CALN1: variants seen among roughly 807,000 people sequenced by gnomAD.
The protein encoded by CALN1 is calneuron 1.
Under a neutral mutation model 30.6 loss-of-function variants are expected in CALN1, and 17 were observed. The observed-to-expected ratio is 0.56, with a 90% CI of 0.38 to 0.83. The LOEUF (loss-of-function observed/expected upper bound fraction) is 0.83. CALN1 is among the 40% of genes least tolerant of loss of function. The pLI is 0.00. For missense variants in CALN1, 291 were observed against 354.9 expected (o/e 0.82, Z 1.45); for synonymous variants, 156 against 131.4 (o/e 1.19, Z -1.28).
At chr7:72,117,987 C>T (rs1808113564) in intron 3 of CALN1, among the ~76,000 whole-genome samples, 1 of 150,660 alleles carries the variant, frequency 6.6e-6, no homozygotes, top group African/African-American at 2.4e-5. Flanking sequence ...AAAAAAGAAT[C>T]ACTGTTGACC....
chr7:71,984,428 A>G (rs1798558520), intron 5 of CALN1, among the ~76,000 whole-genome samples: 1 of 152,214 alleles, frequency 6.6e-6, no homozygotes, highest in Non-Finnish European at 1.5e-5. Context: ...ATCATCCTTC[A>G]AAGTCACAAT....
chr7:72,142,998 A>G (rs544630879), intron 3 of CALN1, among the ~76,000 whole-genome samples: 10 of 152,282 alleles, frequency 6.6e-5, no homozygotes, highest in African/African-American at 2.2e-4. Flanking sequence ...CAAAGACCAA[A>G]GGTAGATAAA....
chr7:71,985,368 G>T (rs1365796354), intron 5 of CALN1, among the ~76,000 whole-genome samples: 2 of 152,124 alleles, frequency 1.3e-5, no homozygotes, highest in Non-Finnish European at 2.9e-5. Context: ...AGCAGGCTGG[G>T]TGCAGTAGTT....
At chr7:72,299,667 A>T (rs1186220423) in intron 2 of CALN1, among the ~76,000 whole-genome samples, 1 of 149,698 alleles carries the variant, frequency 6.7e-6, no homozygotes, top group South Asian at 2.1e-4. Flanking sequence ...AAGAAATACA[A>T]TTTTTTAAAA....
intron 5 of CALN1, among the ~76,000 whole-genome samples, chr7:72,002,087 G>GA (rs1372189819): frequency 6.6e-6 from 1 of 152,266 alleles, no homozygotes; most frequent in East Asian, 1.9e-4. Flanking sequence ...GTGAAGGACT[G>GA]AAAAAATTGA....
chr7:72,388,895 T>C (rs1311428016), intron 2 of CALN1, among the ~76,000 whole-genome samples: 1 of 152,210 alleles, frequency 6.6e-6, no homozygotes, highest in South Asian at 2.1e-4. Context: ...TCAGGATTCC[T>C]GGTATCTGCC....
At position 72,278,819 on chromosome 7, in the gene CALN1, G is replaced by A. The variant is rs373062984; in HGVS notation, c.120-9C>T. The A allele has an allele frequency of 1.4e-4, 219 of 1,609,462 alleles. No homozygotes were observed. The highest frequency in any genetic ancestry group is 1.8e-4 in the Non-Finnish European group (210 of 1,176,294). ...GGAACGGCATCTTTTCCCTGCCCAA[G>A]AGAGAACAGGGGAGGGGAAAAGAAA... On this transcript the variant is annotated splice_polypyrimidine_tract_variant and intron_variant, in intron 2 of 6. Transcript: ENST00000395275.
At chr7:72,279,615 G>A (rs1039540255) in intron 2 of CALN1, among the ~76,000 whole-genome samples, 3 of 152,218 alleles carry the variant, frequency 2.0e-5, no homozygotes, top group Non-Finnish European at 4.4e-5. Context: ...CTGACTGGAG[G>A]CTCCAGGCTA....
intron 1 of CALN1, 44 bp downstream of exon 1, chr7:72,412,014 T>C (rs1009195848): frequency 2.0e-5 from 3 of 152,180 alleles, no homozygotes; most frequent in Non-Finnish European, 2.9e-5. Flanking sequence ...AGCTGGGAAC[T>C]GCATGCAGCT....
chr7:72,123,733 T>G (rs150462485), intron 3 of CALN1, among the ~76,000 whole-genome samples: 1 of 152,196 alleles, frequency 6.6e-6, no homozygotes, highest in African/African-American at 2.4e-5. Context: ...TTCCTGATAA[T>G]TGATAAAGAG....
At chr7:71,903,350 T>G (rs1009237312) in intron 5 of CALN1, among the ~76,000 whole-genome samples, 1 of 152,054 alleles carries the variant, frequency 6.6e-6, no homozygotes, top group African/African-American at 2.4e-5. Context: ...GGCATAAAAA[T>G]AGACACATAG....
At chr7:72,022,395 TTTTG>T (rs796199480) in intron 5 of CALN1, among the ~76,000 whole-genome samples, 65 of 152,282 alleles carry the variant, frequency 4.3e-4, no homozygotes, top group African/African-American at 1.6e-3. Context: ...AAATTATTAT[TTTTG>T]TTTGTTTGTT....
intron 2 of CALN1, among the ~76,000 whole-genome samples, chr7:72,317,976 T>C (rs1029922767): frequency 3.3e-5 from 5 of 152,172 alleles, no homozygotes; most frequent in African/African-American, 1.2e-4. Context: ...AAATTCTACT[T>C]CCCAGTGATT....
At chr7:72,210,656 A>G (rs1792324736) in intron 3 of CALN1, among the ~76,000 whole-genome samples, 1 of 152,058 alleles carries the variant, frequency 6.6e-6, no homozygotes, top group South Asian at 2.1e-4. Flanking sequence ...AGCAGATCTC[A>G]TAAGAACTCA....
chr7:72,297,692 A>G (rs1426380525), intron 2 of CALN1, among the ~76,000 whole-genome samples: 1 of 152,224 alleles, frequency 6.6e-6, no homozygotes, highest in East Asian at 1.9e-4. Flanking sequence ...AACCAAAAAT[A>G]CACCTCCGTA....
intron 2 of CALN1, among the ~76,000 whole-genome samples, chr7:72,401,104 C>G (rs10265973): frequency 0.51 from 77,663 of 151,538 alleles, 20,145 homozygotes; most frequent in East Asian, 0.72. Flanking sequence ...TCTCAATGTA[C>G]CTGGAAAAGA....
intron 5 of CALN1, among the ~76,000 whole-genome samples, chr7:71,829,117 T>G (rs578100123): frequency 6.6e-6 from 1 of 152,102 alleles, no homozygotes; most frequent in African/African-American, 2.4e-5. Context: ...CTTGTGCACA[T>G]GTCAGGACTC....
At chr7:71,967,978 C>T (rs1797611884) in intron 5 of CALN1, among the ~76,000 whole-genome samples, 1 of 152,170 alleles carries the variant, frequency 6.6e-6, no homozygotes, top group Non-Finnish European at 1.5e-5. Flanking sequence ...ATTTTGGCAT[C>T]TCTGTATAAA....
At chr7:72,092,880 A>G (rs1805968224) in intron 4 of CALN1, among the ~76,000 whole-genome samples, 1 of 152,116 alleles carries the variant, frequency 6.6e-6, no homozygotes, top group Non-Finnish European at 1.5e-5. Flanking sequence ...ATGGAAGGAG[A>G]GACGGGCTGG....
Sources: allele counts gnomAD v4.1 joint callset (sites outside exome capture counted in the v4.1 genomes callset), GRCh38; gene constraint gnomAD v4.1.1; transcripts MANE v1.5; gene names NCBI Gene and HGNC (gene_info 2026-07-23, HGNC 2026-07-21).